The following TRMT9B variants were observed in gnomAD, a reference collection of about 807,000 sequenced individuals.
TRMT9B encodes the protein tRNA methyltransferase 9B (putative), also known as probable tRNA methyltransferase 9B.
Under a neutral mutation model 11.5 loss-of-function variants are expected in TRMT9B, and 16 were observed. The observed-to-expected ratio is 1.39, with a 90% CI of 0.94 to 2.11. TRMT9B has a LOEUF of 2.11. Ranked by LOEUF, TRMT9B falls within the 30% of genes most tolerant of loss-of-function variation. TRMT9B has a pLI of 0.00. For synonymous variants in TRMT9B, 274 were observed against 192.4 expected, an observed-to-expected ratio of 1.42 and a Z score of -3.51; for missense variants, 941 against 553.8, an observed-to-expected ratio of 1.70 and a Z score of -7.02.
chr8:12,984,760 T>C (rs13253303), intron 1 of TRMT9B, among the ~76,000 whole-genome samples: 3,859 of 152,262 alleles, frequency 0.025, 68 homozygotes, highest in South Asian at 0.084. Context: ...CTCTCGTGTT[T>C]GATTTTCTTG....
chr8:13,006,198 C>G lies in TRMT9B; in HGVS notation c.-1-4C>G. ...ATGCCTTGGGTTGGTCCTGTTTTCT[C>G]CAGGATGGATCATGAAGCCGCCCAG... On this transcript the variant is annotated splice_polypyrimidine_tract_variant and splice_region_variant and intron_variant, in intron 2 of 4. Coordinates refer to ENST00000524591, the MANE Select transcript of TRMT9B (RefSeq NM_020844.3). 1 of 1,613,788 alleles carries G rather than the reference C, an allele frequency of 6.2e-7. No homozygotes were observed. Among genetic ancestry groups the G allele is most frequent in the South Asian group, 1.1e-5 (1 of 90,994 alleles).
At chr8:12,957,556 C>A (rs1287375199) in intron 1 of TRMT9B, among the ~76,000 whole-genome samples, 5 of 152,144 alleles carry the variant, frequency 3.3e-5, no homozygotes, top group Non-Finnish European at 5.9e-5. Context: ...TGAAATAGAT[C>A]TAGGGTGATC....
In TRMT9B at chr8:13,003,772, C is replaced by G. The variant is rs569923867; in HGVS notation, c.-1-2430C>G. Among the ~76,000 whole-genome samples the G allele has an allele frequency of 1.2e-4, 18 of 150,784 alleles. 1 individual carries two copies. In the South Asian group the frequency reaches 2.4e-3, roughly 20 times the overall value. ...GGAAGGCTCCACTGATGGTGTGTCCCCACTCCGCCACCCTCCCCACAAGGA... is the reference window on the plus strand; with the variant it reads ...GGAAGGCTCCACTGATGGTGTGTCCGCACTCCGCCACCCTCCCCACAAGGA... On this transcript the variant is annotated intron_variant, in intron 2 of 4. Coordinates refer to ENST00000524591, the MANE Select transcript of TRMT9B (RefSeq NM_020844.3).
rs571328012 is a variant in TRMT9B, at chr8:12,951,979, C to G, written c.-200+6013C>G. 389 of 154,996 alleles carry G rather than the reference C, an allele frequency of 2.5e-3. 1 individual carries two copies. Among genetic ancestry groups the G allele is most frequent in the Non-Finnish European group, 4.6e-3 (325 of 70,376 alleles). 9.6% of individuals were successfully genotyped at this position (154,996 alleles called of 1,614,324 possible). On this transcript the variant is annotated intron_variant, in intron 1 of 4. Transcript: ENST00000524591. ...GGCCCGCGCGCGCGCTCCCCCACGG[C>G]CACGCGCGCACCCTGCCGCCCGCAC...
At chr8:13,010,360 A>C in intron 3 of TRMT9B, 1 of 976,142 alleles carries the variant, frequency 1.0e-6, no homozygotes, top group South Asian at 4.8e-5. Flanking sequence ...AAAAAGAAAG[A>C]AGTTCAAAGG....
intron 2 of TRMT9B, among the ~76,000 whole-genome samples, chr8:13,001,256 C>A (rs1051344184): frequency 6.6e-6 from 1 of 152,208 alleles, no homozygotes; most frequent in African/African-American, 2.4e-5. Flanking sequence ...ATTCTCAAGA[C>A]TGGGTCAGTC....
At chr8:13,018,098 T>TAA (rs372443756) in intron 4 of TRMT9B, among the ~76,000 whole-genome samples, 26,683 of 134,782 alleles carry the variant, frequency 0.2, 3,237 homozygotes, top group African/African-American at 0.32. Context: ...AGGACTTTCT[T>TAA]AAAAAAAAAA....
chr8:12,964,760 G>GT (rs1802593968), intron 1 of TRMT9B, among the ~76,000 whole-genome samples: 1 of 151,764 alleles, frequency 6.6e-6, no homozygotes, highest in Non-Finnish European at 1.5e-5. Context: ...TTGTTTGTTT[G>GT]TTTGTTTTGT....
intron 2 of TRMT9B, among the ~76,000 whole-genome samples, chr8:13,002,545 G>A (rs899976180): frequency 2.0e-5 from 3 of 152,150 alleles, no homozygotes; most frequent in Admixed American, 6.6e-5. Flanking sequence ...TTTATACTCA[G>A]TTAGGAGTTT....
At chr8:12,950,907 G>C (rs1800555735) in intron 1 of TRMT9B, among the ~76,000 whole-genome samples, 1 of 152,164 alleles carries the variant, frequency 6.6e-6, no homozygotes, top group African/African-American at 2.4e-5. Flanking sequence ...GGGATCAGGA[G>C]CACGAACCTC....
chr8:12,999,977 T>C (rs1468910724), intron 2 of TRMT9B, among the ~76,000 whole-genome samples: 1 of 152,240 alleles, frequency 6.6e-6, no homozygotes, highest in African/African-American at 2.4e-5. Context: ...TGTCATCTAA[T>C]AAAAACTGAT....
intron 4 of TRMT9B, among the ~76,000 whole-genome samples, chr8:13,014,312 G>A (rs1039038864): frequency 2.6e-5 from 4 of 152,128 alleles, no homozygotes; most frequent in Admixed American, 6.6e-5. Context: ...CATAGACTTC[G>A]CTTAAACAAC....
At chr8:12,971,238 T>G (rs1220988200) in intron 1 of TRMT9B, among the ~76,000 whole-genome samples, 1 of 152,214 alleles carries the variant, frequency 6.6e-6, no homozygotes, top group Non-Finnish European at 1.5e-5. Flanking sequence ...TTGTTTCCCC[T>G]TTTTTCAATT....
intron 1 of TRMT9B, among the ~76,000 whole-genome samples, chr8:12,962,480 T>C (rs920645928): frequency 6.6e-6 from 1 of 152,062 alleles, no homozygotes; most frequent in Non-Finnish European, 1.5e-5. Context: ...CTTAAATTTT[T>C]TTTTTCGTTT....
intron 1 of TRMT9B, among the ~76,000 whole-genome samples, chr8:12,988,028 C>T (rs141460445): frequency 6.6e-6 from 1 of 152,304 alleles, no homozygotes; most frequent in African/African-American, 2.4e-5. Context: ...AAGTCTGGGA[C>T]CATCTGTATA....
chr8:12,998,270 C>G (rs1400138479), intron 2 of TRMT9B, among the ~76,000 whole-genome samples: 1 of 152,092 alleles, frequency 6.6e-6, no homozygotes, highest in Non-Finnish European at 1.5e-5. Context: ...CTTTATATGA[C>G]CCTTTGTAAG....
At chr8:12,952,154 C>T (rs1004439616) in intron 1 of TRMT9B, 6 of 453,930 alleles carry the variant, frequency 1.3e-5, no homozygotes, top group Admixed American at 9.5e-5. Flanking sequence ...TGTGACTACT[C>T]GCAACGGGAG....
In TRMT9B at chr8:13,026,840, T is replaced by G. The variant is rs1814747098; in HGVS notation, c.*4796T>G. The G allele has an allele frequency of 6.0e-6, 1 of 167,074 alleles. No individual in the cohort carries two copies. Among genetic ancestry groups the G allele is most frequent in the South Asian group, 2.1e-4 (1 of 4,824 alleles). The allele number at this position is 167,074 out of a possible 1,614,324, so 10.3% of individuals were successfully genotyped here. A position where few individuals can be genotyped will look rare whatever the true frequency, so the allele number is the denominator to read the frequency against. On this transcript the variant is annotated 3_prime_UTR_variant, in exon 5 of 5. Transcript: ENST00000524591. ...ATGTGCTTGGCGGAGTATTAGAGCC[T>G]TTCAAGGTAAGTGTGATTATCCCCT...
chr8:12,998,976 G>C (rs1808867312), intron 2 of TRMT9B, among the ~76,000 whole-genome samples: 1 of 152,126 alleles, frequency 6.6e-6, no homozygotes, highest in African/African-American at 2.4e-5. Context: ...CTCTATCCCT[G>C]TTTCTTTACC....
Sources: allele counts gnomAD v4.1 joint callset (sites outside exome capture counted in the v4.1 genomes callset), GRCh38; gene constraint gnomAD v4.1.1; transcripts MANE v1.5; gene names NCBI Gene and HGNC (gene_info 2026-07-23, HGNC 2026-07-21).